Variants in SHANK1 observed in about 807,000 individuals in gnomAD.
SHANK1 encodes SH3 and multiple ankyrin repeat domains protein 1.
SHANK1 carries 35 observed loss-of-function variants against 165.6 expected under a neutral mutation model. That is an observed-to-expected ratio of 0.21 (90% CI 0.16 to 0.28). SHANK1 has a LOEUF of 0.28. Among genes scored for constraint, SHANK1 ranks in the 10% least tolerant of loss-of-function variants. SHANK1 has a pLI of 1.00. For missense variants in SHANK1, 2,681 were observed against 3,036.4 expected (o/e 0.88, Z 2.75); for synonymous variants, 1,428 against 1,384.8 (o/e 1.03, Z -0.69).
chr19:50,711,890 G>A, intron 7 of SHANK1, 57 bp downstream of exon 7: 1 of 1,599,868 alleles, frequency 6.3e-7, no homozygotes, highest in South Asian at 1.1e-5. Context: ...CAGCCCCTTG[G>A]ATGCCTCAGG....
Position 50,687,946 on chromosome 19 carries a change from A to G in SHANK1, c.2285T>C (p.Met762Thr), listed in dbSNP as rs1986411717. 2 of 1,613,922 alleles carry G rather than the reference A, an allele frequency of 1.2e-6. No homozygotes were observed. Among genetic ancestry groups the G allele is most frequent in the Non-Finnish European group, 1.7e-6 (2 of 1,179,968 alleles). Residue 762 changes from methionine to threonine, a missense_variant, in exon 18 of 24, where the codon ATG becomes ACG. Around this residue, in one of 10 missense-constraint regions of SHANK1, gnomAD observed 206 missense variants for 216.0 expected, o/e 0.95. Transcript: ENST00000293441. ...ACCTTTCTTGTGCACTGCCTCATCC[A>G]TGTCCGGGTGCCTGGTGACCATCAC... Reference protein sequence around the residue: ...KVVMVTRHPDMDEAVHKKAPQ... With the variant: ...KVVMVTRHPDTDEAVHKKAPQ...
rs765785604 is a variant in SHANK1 at position 50,670,833 on chromosome 19, G to A, written c.2674+1185C>T. Among the ~76,000 whole-genome samples the A allele has an allele frequency of 2.0e-5, 3 of 151,334 alleles. No individual in the cohort carries two copies. The highest frequency in any genetic ancestry group is 2.9e-5 in the Non-Finnish European group (2 of 67,886). On this transcript the variant is annotated intron_variant, in intron 22 of 23. Coordinates refer to ENST00000293441, the MANE Select transcript of SHANK1 (RefSeq NM_016148.5). This position sits in a 1 kb window ranked among gnomAD's most constrained non-coding sequence, Gnocchi z 4.1. The stretch of plus-strand genomic sequence containing the variant: ...TTTTGAGACAGAGTCTCGCTCTGTC[G>A]CCCAGGCTGGAGTGCAATGGTGCGA...
intron 15 of SHANK1, among the ~76,000 whole-genome samples, chr19:50,693,857 ACCC>A (rs1986626694): frequency 6.6e-6 from 1 of 151,838 alleles, no homozygotes. Context: ...ACATGCACAG[ACCC>A]CCGGGGGCAA....
chr19:50,662,996 T>G lies in SHANK1; in HGVS notation c.5769-314A>C. 6 of 390,292 alleles carry G rather than the reference T, an allele frequency of 1.5e-5. No homozygotes were observed. Among genetic ancestry groups the G allele is most frequent in the Non-Finnish European group, 1.4e-5 (3 of 211,560 alleles). 24.2% of individuals were successfully genotyped at this position (390,292 alleles called of 1,614,324 possible). Reference sequence around the variant, plus strand: ...TACTGATGCTCACGTGTGCCAGGCATTGTTCTAAGTGCTTTACATGATTGC... The same window carrying G: ...TACTGATGCTCACGTGTGCCAGGCAGTGTTCTAAGTGCTTTACATGATTGC... On this transcript the variant is annotated intron_variant, in intron 23 of 23. Transcript: ENST00000293441. The surrounding 1 kb of genome is among the most constrained non-coding windows in gnomAD (Gnocchi z 7.7).
chr19:50,688,901 C>T lies in SHANK1; in HGVS notation c.2115G>A (p.Val705=), dbSNP rs1220334155. The change falls in exon 17 of 24, where the codon GTG becomes GTA. Residue 705 remains valine, a synonymous_variant. Transcript: ENST00000293441. The surrounding 1 kb of genome is among the most constrained non-coding windows in gnomAD (Gnocchi z 6.7). ...CTCGCCATGCCACGCCACCCTCGTC[C>T]ACCGACTCCAGGTACTGCAGCGCCG... The part of the protein sequence containing the change: ...AFPALQYLES[V]DEGGVAWRAG... The T allele has an allele frequency of 5.0e-6, 8 of 1,584,282 alleles. 1 individual carries two copies. The highest frequency in any genetic ancestry group is 1.3e-5 in the African/African-American group (1 of 74,300).
At position 50,688,836 on chromosome 19, in the gene SHANK1, G is replaced by A; in HGVS notation, c.2172+8C>T. 2 of 1,607,728 alleles carry A rather than the reference G, an allele frequency of 1.2e-6. No homozygotes were observed. The highest frequency in any genetic ancestry group is 2.2e-5 in the East Asian group (1 of 44,656). On this transcript the variant is annotated splice_region_variant and intron_variant, in intron 17 of 23. Transcript: ENST00000293441. This position sits in a 1 kb window ranked among gnomAD's most constrained non-coding sequence, Gnocchi z 6.7. ...GGGTCCCAGGGAAGAGAGGGGGCCT[G>A]GACTGACCTCGATGAGGAAGTCTCC...
At chr19:50,700,353 C>A (rs1986879799) in intron 12 of SHANK1, among the ~76,000 whole-genome samples, 1 of 145,356 alleles carries the variant, frequency 6.9e-6, no homozygotes. Context: ...GATTGGAGGG[C>A]TCGGGGCATA....
chr19:50,695,276 G>T (rs1986699301), intron 15 of SHANK1, among the ~76,000 whole-genome samples: 1 of 146,994 alleles, frequency 6.8e-6, no homozygotes, highest in Non-Finnish European at 1.5e-5. Context: ...CGGGGCGCGG[G>T]GTCGGGCCGC....
intron 21 of SHANK1, among the ~76,000 whole-genome samples, chr19:50,683,205 C>A (rs186667311): frequency 6.6e-6 from 1 of 152,126 alleles, no homozygotes; most frequent in Non-Finnish European, 1.5e-5. Context: ...CCCCAGAGGA[C>A]GTTGGGCAGT....
chr19:50,662,632 A>G lies in SHANK1; in HGVS notation c.5819T>C (p.Leu1940Pro). ...AGGTGGTTTGGGCCAGTTCTGAAACAGGCTGCTGACAGGCTTGGAGAGGAG... is the reference window on the plus strand; with the variant it reads ...AGGTGGTTTGGGCCAGTTCTGAAACGGGCTGCTGACAGGCTTGGAGAGGAG... The part of the protein sequence containing the change: ...SSLLSKPVSS[L>P]FQNWPKPPLP... The change falls in exon 24 of 24, where the codon CTG becomes CCG. Residue 1940 changes from leucine to proline, a missense_variant. By Grantham distance (98) the Leu-to-Pro change is moderately conservative. This residue lies in a region of SHANK1 where 1,713 missense variants were observed against 1,630.2 expected (regional missense o/e 1.05). Transcript: ENST00000293441. The surrounding 1 kb of genome is among the most constrained non-coding windows in gnomAD (Gnocchi z 7.7). 1 of 1,561,788 alleles carries G rather than the reference A, an allele frequency of 6.4e-7. No individual in the cohort carries two copies. The highest frequency in any genetic ancestry group is 1.4e-5 in the African/African-American group (1 of 72,230).
rs1419009786 is a variant in SHANK1, at chr19:50,697,279, A to G, written c.1938-157T>C. ...ACATGACTGCACAGAGATGGGGCAC[A>G]TGAAGGAGACAAGGGCCTCCAGCCA... On this transcript the variant is annotated intron_variant, in intron 14 of 23. Transcript: ENST00000293441. This position sits in a 1 kb window ranked among gnomAD's most constrained non-coding sequence, Gnocchi z 4.7. Among the ~76,000 whole-genome samples the G allele has an allele frequency of 1.3e-5, 2 of 150,228 alleles. No individual in the cohort carries two copies. The highest frequency in any genetic ancestry group is 3.0e-5 in the Non-Finnish European group (2 of 67,622).
intron 4 of SHANK1, among the ~76,000 whole-genome samples, chr19:50,715,252 G>T (rs2089056944): frequency 6.6e-6 from 1 of 152,038 alleles, no homozygotes; most frequent in Non-Finnish European, 1.5e-5. Flanking sequence ...ATGAGGTTGG[G>T]AGAAATGTAG....
At chr19:50,700,225 G>GTAGGATGA (rs1986873931) in intron 12 of SHANK1, among the ~76,000 whole-genome samples, 1 of 145,094 alleles carries the variant, frequency 6.9e-6, no homozygotes, top group Non-Finnish European at 1.5e-5. Flanking sequence ...GAGGATTAGA[G>GTAGGATGA]GGTTTGGGGC....
intron 8 of SHANK1, 173 bp downstream of exon 8, chr19:50,711,182 TTGGATGGATGGATGGA>T: frequency 1.4e-5 from 8 of 558,032 alleles, no homozygotes; most frequent in Non-Finnish European, 2.6e-5. Flanking sequence ...TAAATATCTG[TTGGATGGATGGATGGA>T]TGGATGGATG....
chr19:50,687,652 CTGCTGGGG>C lies in SHANK1; in HGVS notation c.2311_2318del (p.Pro771GlyfsTer86). The C allele has an allele frequency of 6.7e-7, 1 of 1,498,978 alleles. No individual in the cohort carries two copies. Among genetic ancestry groups the C allele is most frequent in the South Asian group, 1.4e-5 (1 of 73,620 alleles). 92.9% of individuals were successfully genotyped at this position (1,498,978 alleles called of 1,614,324 possible). On this transcript the variant is annotated frameshift_variant and splice_region_variant, in exon 19 of 24. Transcript: ENST00000293441. LOFTEE classifies it high-confidence loss of function. ...TGGTTGGGGGCGGCAGCCGCTTGGC[CTGCTGGGG>C]TGCTGAAAAGGTGATGAGGGGAGGC... is the stretch of plus-strand genomic sequence containing the variant.
chr19:50,714,363 G>C, intron 4 of SHANK1, 73 bp from the exon 5 acceptor site: 1 of 1,279,948 alleles, frequency 7.8e-7, no homozygotes, highest in Non-Finnish European at 1.1e-6. Context: ...CTCAAGCAGC[G>C]ACGTCCAGTG....
Position 50,697,688 on chromosome 19 carries a change from T to C in SHANK1, c.1862-24A>G. On this transcript the variant is annotated intron_variant, in intron 13 of 23. Transcript: ENST00000293441. The surrounding 1 kb of genome is among the most constrained non-coding windows in gnomAD (Gnocchi z 4.7). ...TTCTGCAGGGTGACAACAGACAACC[T>C]TGGACTCTTGTTTTGGAAACCACAA... 6.2e-7 allele frequency: 1 copy of C among 1,611,128 alleles called. No individual in the cohort carries two copies.
Position 50,687,905 on chromosome 19 carries a change from G to A in SHANK1, c.2308+18C>T. On this transcript the variant is annotated intron_variant, in intron 18 of 23. Coordinates refer to ENST00000293441, the MANE Select transcript of SHANK1 (RefSeq NM_016148.5). Reference sequence around the variant, plus strand: ...CCTGGTGGCAGTGGGGTGGCTGCGAGAGTGGCCGCAGGAGCACCTTTCTTG... The same window carrying A: ...CCTGGTGGCAGTGGGGTGGCTGCGAAAGTGGCCGCAGGAGCACCTTTCTTG... 6.2e-7 allele frequency: 1 copy of A among 1,613,704 alleles called. No homozygotes were observed. Among genetic ancestry groups the A allele is most frequent in the South Asian group, 1.1e-5 (1 of 91,074 alleles).
chr19:50,706,174 T>C (rs28592681), intron 8 of SHANK1, among the ~76,000 whole-genome samples: 2 of 52,026 alleles, frequency 3.8e-5, no homozygotes, highest in East Asian at 6.2e-4. Flanking sequence ...AAAGGGGGGG[T>C]TGGGGGGGCT....
Sources: allele counts gnomAD v4.1 joint callset (sites outside exome capture counted in the v4.1 genomes callset), GRCh38; gene constraint gnomAD v4.1.1; regional missense constraint gnomAD v4.1.1; non-coding constraint Gnocchi (gnomAD v3.1); transcripts MANE v1.5; gene names NCBI Gene and HGNC (gene_info 2026-07-23, HGNC 2026-07-21).